XPNPEP2: variants seen among roughly 807,000 people sequenced by gnomAD.
XPNPEP2 encodes the protein xaa-Pro aminopeptidase 2.
In XPNPEP2, 64 loss-of-function variants were observed where a neutral mutation model predicts 59.8. That is an observed-to-expected ratio of 1.07 (90% CI 0.87 to 1.32). The LOEUF (loss-of-function observed/expected upper bound fraction) is 1.32, where lower values mean the gene tolerates loss of function less well. XPNPEP2 is among the 40% of genes most tolerant of loss of function. XPNPEP2 has a pLI of 0.00. For synonymous variants in XPNPEP2, 235 were observed against 210.0 expected (o/e 1.12, Z -1.03); for missense variants, 575 against 546.8 (o/e 1.05, Z -0.51).
In XPNPEP2 at chrX:129,760,514, G is replaced by A; in HGVS notation, c.1431G>A (p.Glu477=). Residue 477 remains glutamate, a splice_region_variant and synonymous_variant, in exon 16 of 21, where the codon GAG becomes GAA. Coordinates refer to ENST00000371106, the MANE Select transcript of XPNPEP2 (RefSeq NM_003399.6). The part of the protein sequence containing the change: ...HWGTPSAFQK[E]AYTRVLIGNI... Reference sequence around the variant, plus strand: ...TCACCTCTTCCTCTCCCCATCAGGAGGCATACACCCGTGTGCTGATAGGAA... The same window carrying A: ...TCACCTCTTCCTCTCCCCATCAGGAAGCATACACCCGTGTGCTGATAGGAA... 1.7e-6 allele frequency: 2 copies of A among 1,211,273 alleles called. No individual in the cohort carries two copies. The highest frequency in any genetic ancestry group is 2.2e-6 in the Non-Finnish European group (2 of 895,008).
intron 2 of XPNPEP2, among the ~76,000 whole-genome samples, chrX:129,743,116 A>G (rs1464093446): frequency 8.9e-6 from 1 of 112,274 alleles, no homozygotes; most frequent in African/African-American, 3.2e-5. Flanking sequence ...AACGCAGTAC[A>G]TCTGCTAGCA....
In XPNPEP2 at chrX:129,742,123, A is replaced by G; in HGVS notation, c.65A>G (p.His22Arg). ...LVLLCACAWG[H>R]TKPVDLGGQD... is the part of the protein sequence containing the mutation. ...CGGCTTCTAGCTTGTGCCTGGGGCCACACAAAGCCAGTGGACCTTGGAGGG... is the reference window on the plus strand; with the variant it reads ...CGGCTTCTAGCTTGTGCCTGGGGCCGCACAAAGCCAGTGGACCTTGGAGGG... Residue 22 changes from histidine to arginine, a missense_variant, in exon 2 of 21, where the codon CAC becomes CGC. His to Arg is a conservative substitution (Grantham distance 29). Coordinates refer to ENST00000371106, the MANE Select transcript of XPNPEP2 (RefSeq NM_003399.6). 8.3e-7 allele frequency: 1 copy of G among 1,210,217 alleles called. No homozygotes were observed. Among genetic ancestry groups the G allele is most frequent in the East Asian group, 3.0e-5 (1 of 33,762 alleles).
intron 17 of XPNPEP2, 45 bp downstream of exon 17, chrX:129,761,321 T>G: frequency 9.6e-7 from 1 of 1,045,996 alleles, no homozygotes; most frequent in Non-Finnish European, 1.3e-6. Flanking sequence ...CCTTTTATTA[T>G]ACCCTCTATG....
At chrX:129,765,250 G>A (rs1028549002) in intron 19 of XPNPEP2, among the ~76,000 whole-genome samples, 5 of 111,552 alleles carry the variant, frequency 4.5e-5, no homozygotes, top group Non-Finnish European at 9.4e-5. Context: ...ATAGTATGTG[G>A]ATGTCCCATG....
chrX:129,743,893 T>C, intron 2 of XPNPEP2, 68 bp from the exon 3 acceptor site: 2 of 1,013,737 alleles, frequency 2.0e-6, no homozygotes, highest in Admixed American at 4.5e-5. Flanking sequence ...GGGGCCCAGA[T>C]GTCATTTTCT....
intron 2 of XPNPEP2, among the ~76,000 whole-genome samples, chrX:129,743,169 C>A (rs1926230391): frequency 8.9e-6 from 1 of 112,419 alleles, no homozygotes; most frequent in Non-Finnish European, 1.9e-5. Context: ...GGTGGGTGGG[C>A]AAACCACATT....
rs754868626 is a variant in XPNPEP2 at position 129,767,617 on chromosome X, C to T, written c.1755C>T (p.Tyr585=). The change falls in exon 20 of 21, where the codon TAC becomes TAT. Residue 585 remains tyrosine (Y), a synonymous_variant. Transcript: ENST00000371106. ...VEAKTKYPGS[Y]LTFEVVSFVP... ...TGGGCTCCCAGTACCCAGGGAGCTA[C>T]CTGACCTTTGAAGTGGTATCATTTG... 3.3e-6 allele frequency: 4 copies of T among 1,209,798 alleles called. No homozygotes were observed. The South Asian group carries it at 5.3e-5, about 16-fold the overall frequency.
chrX:129,760,483 T>C (rs772027675), intron 15 of XPNPEP2, 29 bp from the exon 16 acceptor site: 1 of 1,202,234 alleles, frequency 8.3e-7, no homozygotes, highest in Non-Finnish European at 1.1e-6. Flanking sequence ...CCTCCCGTCC[T>C]CCATATCACC....
intron 8 of XPNPEP2, among the ~76,000 whole-genome samples, chrX:129,751,192 C>T (rs1403421452): frequency 3.1e-5 from 3 of 95,811 alleles, no homozygotes; most frequent in Non-Finnish European, 6.0e-5. Flanking sequence ...CCAAAGGAAA[C>T]AGTGGGGCAA....
chrX:129,753,000 A>G (rs1273137161), intron 10 of XPNPEP2, among the ~76,000 whole-genome samples, 159 bp from the exon 11 acceptor site: 1 of 112,322 alleles, frequency 8.9e-6, no homozygotes, highest in Non-Finnish European at 1.9e-5. Flanking sequence ...GAAAGCACAC[A>G]CAGAGTAGAG....
intron 20 of XPNPEP2, 57 bp downstream of exon 20, chrX:129,767,749 A>G (rs1926779005): frequency 8.9e-7 from 1 of 1,120,479 alleles, no homozygotes; most frequent in African/African-American, 1.8e-5. Context: ...TGCCTCTGCT[A>G]CCTGCCACCA....
At chrX:129,747,573 G>C in intron 6 of XPNPEP2, 34 bp from the exon 7 acceptor site, 3 of 1,203,533 alleles carry the variant, frequency 2.5e-6, no homozygotes, top group Non-Finnish European at 3.4e-6. Context: ...GTGTAAATGG[G>C]CAAGGGACAA....
rs1926772885 is a variant in XPNPEP2 at position 129,767,526 on chromosome X, C to T, written c.1741-77C>T. 3 of 1,024,644 alleles carry T rather than the reference C, an allele frequency of 2.9e-6. No homozygotes were observed. In the Admixed American group the frequency reaches 6.6e-5, roughly 23 times the overall value. The allele number at this position is 1,024,644 out of a possible 1,213,427, so 84.4% of individuals were successfully genotyped here. On this transcript the variant is annotated intron_variant, in intron 19 of 20. Coordinates refer to ENST00000371106, the MANE Select transcript of XPNPEP2 (RefSeq NM_003399.6). ...CTCCTTGTGTCCTCCGGGTGGAGTG[C>T]TCCTTCCTTCCCTTCAGCCCAGTTC...
At chrX:129,751,574 GAAAGAAAGAAAGAAAGA>G (rs1569476557) in intron 8 of XPNPEP2, among the ~76,000 whole-genome samples, 154 bp from the exon 9 acceptor site, 19 of 71,928 alleles carry the variant, frequency 2.6e-4, no homozygotes, top group African/African-American at 9.1e-4. Context: ...AAGAAAGAAA[GAAAGAAAGAAAGAAAGA>G]AAGAAAGGAA....
intron 16 of XPNPEP2, 103 bp downstream of exon 16, chrX:129,760,684 C>T: frequency 1.2e-6 from 1 of 859,397 alleles, no homozygotes; most frequent in Non-Finnish European, 1.7e-6. Context: ...TGTCATCATC[C>T]CATCCCTTAT....
intron 1 of XPNPEP2, among the ~76,000 whole-genome samples, chrX:129,741,794 A>G (rs5977145): frequency 0.04 from 4,449 of 112,354 alleles, 212 homozygotes; most frequent in African/African-American, 0.14. Context: ...TTTACACACA[A>G]CTTTTCTACT....
At chrX:129,754,651 T>A (rs1926484461) in intron 12 of XPNPEP2, 70 bp downstream of exon 12, 4 of 973,014 alleles carry the variant, frequency 4.1e-6, no homozygotes, top group Middle Eastern at 5.3e-4. Context: ...GGAGGGGGAA[T>A]TTGTCCCCTT....
Position 129,767,660 on chromosome X carries a change from C to T in XPNPEP2, c.1798C>T (p.Leu600Phe). The change falls in exon 20 of 21, where the codon CTC (leucine) becomes TTC (phenylalanine). Residue 600 changes from leucine (L) to phenylalanine (F), a missense_variant. Physicochemically the swap from Leu to Phe is conservative, Grantham distance 22. Coordinates refer to ENST00000371106, the MANE Select transcript of XPNPEP2 (RefSeq NM_003399.6). ...ATCATTTGTGCCCTATGACCGGAAC[C>T]TCATCGATGTCAGCCTGCTGTCTCC... ...VVSFVPYDRN[L>F]IDVSLLSPEH... The T allele has an allele frequency of 2.5e-6, 3 of 1,211,751 alleles. No homozygotes were observed. Among genetic ancestry groups the T allele is most frequent in the Non-Finnish European group, 3.4e-6 (3 of 895,504 alleles).
At chrX:129,757,037 C>CAT (rs1164163326) in intron 14 of XPNPEP2, among the ~76,000 whole-genome samples, 32 of 92,729 alleles carry the variant, frequency 3.5e-4, no homozygotes, top group African/African-American at 6.2e-4. Context: ...CACACACACA[C>CAT]ATATATATAT....
Sources: gnomAD v4.1 joint callset for allele counts (sites outside exome capture counted in the v4.1 genomes callset) on GRCh38, gnomAD v4.1.1 for gene constraint, MANE v1.5 for transcripts, NCBI Gene and HGNC (gene_info 2026-07-23, HGNC 2026-07-21) for gene names.